PI4K2B: variants seen among roughly 807,000 people sequenced by gnomAD.
The protein encoded by PI4K2B is phosphatidylinositol 4-kinase type 2-beta.
In PI4K2B, 46 loss-of-function variants were observed where a neutral mutation model predicts 56.6. The ratio of observed to expected loss-of-function variants is 0.81; its 90% CI spans 0.64 to 1.04. PI4K2B has a LOEUF of 1.04. PI4K2B is among the 50% of genes least tolerant of loss of function. The pLI is 0.00. For missense variants in PI4K2B, 556 were observed against 607.7 expected (o/e 0.91, Z 0.89); for synonymous variants, 211 against 223.8 (o/e 0.94, Z 0.51).
chr4:25,249,916 C>T (rs980637668), intron 1 of PI4K2B, among the ~76,000 whole-genome samples: 3 of 152,208 alleles, frequency 2.0e-5, no homozygotes, highest in African/African-American at 7.2e-5. Flanking sequence ...CCACTGCACT[C>T]CAGCCTGGGC....
chr4:25,277,093 G>A lies in PI4K2B; in HGVS notation c.1352G>A (p.Arg451His), dbSNP rs746222667. The A allele has an allele frequency of 6.2e-6, 10 of 1,613,640 alleles. No homozygotes were observed. The highest frequency in any genetic ancestry group is 1.6e-4 in the Middle Eastern group (1 of 6,082). The change falls in exon 10 of 10, where the codon CGC becomes CAC. Residue 451 changes from arginine to histidine, a missense_variant. By Grantham distance (29) the Arg-to-His change is conservative. Coordinates refer to ENST00000264864, the MANE Select transcript of PI4K2B (RefSeq NM_018323.4). ...CAGATACCTTGTGTGATTGTGGAAC[G>A]CAGTCAAGGTGGAAGTCAGGGTCGG... The part of the protein sequence containing the change: ...LVQIPCVIVE[R>H]SQGGSQGRIV...
At chr4:25,273,830 A>G (rs1717001233) in intron 9 of PI4K2B, among the ~76,000 whole-genome samples, 2 of 152,220 alleles carry the variant, frequency 1.3e-5, no homozygotes, top group Non-Finnish European at 2.9e-5. Context: ...CCAGGCTTTC[A>G]GCACAGTCGA....
At chr4:25,251,350 T>C (rs917237999) in intron 1 of PI4K2B, among the ~76,000 whole-genome samples, 8 of 152,164 alleles carry the variant, frequency 5.3e-5, no homozygotes, top group Non-Finnish European at 1.2e-4. Flanking sequence ...AATTGGCTCA[T>C]GTGCATTTCT....
chr4:25,276,269 T>C (rs557479860), intron 9 of PI4K2B: 1 of 249,326 alleles, frequency 4.0e-6, no homozygotes, highest in Non-Finnish European at 6.4e-6. Context: ...CTTATTTGCA[T>C]GCCCAAGTAG....
intron 9 of PI4K2B, among the ~76,000 whole-genome samples, chr4:25,273,719 C>T (rs1336090265): frequency 6.6e-6 from 1 of 152,234 alleles, no homozygotes; most frequent in Non-Finnish European, 1.5e-5. Flanking sequence ...TTCTCCCATT[C>T]CTCTTCCACG....
At chr4:25,243,354 A>G (rs576908857) in intron 1 of PI4K2B, among the ~76,000 whole-genome samples, 47 of 152,274 alleles carry the variant, frequency 3.1e-4, no homozygotes, top group South Asian at 1.2e-3. Context: ...TCATTGGACA[A>G]TCTTTTTTAA....
rs763091751 is a variant in PI4K2B, at chr4:25,269,138, T to C, written c.1213-6T>C. ...TTGGGAATTGTTTTTTTCCTTTCTA[T>C]AATAGACTGACAAAGGATTTGACAA... On this transcript the variant is annotated splice_polypyrimidine_tract_variant and splice_region_variant and intron_variant, in intron 8 of 9. Coordinates refer to ENST00000264864, the MANE Select transcript of PI4K2B (RefSeq NM_018323.4). 38 of 1,538,582 alleles carry C rather than the reference T, an allele frequency of 2.5e-5. No individual in the cohort carries two copies. The Admixed American group carries it at 5.9e-4, about 24-fold the overall frequency.
At chr4:25,246,846 T>C (rs897498169) in intron 1 of PI4K2B, among the ~76,000 whole-genome samples, 7 of 152,206 alleles carry the variant, frequency 4.6e-5, no homozygotes, top group African/African-American at 1.7e-4. Flanking sequence ...CCTCTGCAGC[T>C]GCTGGCGCGG....
intron 1 of PI4K2B, among the ~76,000 whole-genome samples, chr4:25,244,776 T>A (rs976015633): frequency 1.6e-4 from 25 of 152,318 alleles, no homozygotes; most frequent in African/African-American, 5.8e-4. Flanking sequence ...TTGCGCTCAC[T>A]GACGCAGCAG....
rs989078071 is a variant in PI4K2B at position 25,263,790 on chromosome 4, T to C, written c.1019T>C (p.Ile340Thr). 1 of 1,536,534 alleles carries C rather than the reference T, an allele frequency of 6.5e-7. No individual in the cohort carries two copies. Among genetic ancestry groups the C allele is most frequent in the Non-Finnish European group, 9.0e-7 (1 of 1,110,668 alleles). Residue 340 changes from isoleucine to threonine, a missense_variant, in exon 7 of 10, where the codon ATA becomes ACA. Coordinates refer to ENST00000264864, the MANE Select transcript of PI4K2B (RefSeq NM_018323.4). ...GATGATGAAGAATTCCTTATTAAAA[T>C]AGCTGCAATTGATAATGGTCTAGCA... The part of the protein sequence containing the change: ...WIDDEEFLIK[I>T]AAIDNGLAFP...
intron 1 of PI4K2B, among the ~76,000 whole-genome samples, chr4:25,243,785 G>A (rs313554): frequency 0.59 from 89,488 of 152,044 alleles, 28,577 homozygotes; most frequent in Non-Finnish European, 0.72. Flanking sequence ...ATAATTCATG[G>A]GCTTTTTTCT....
At chr4:25,252,710 T>C (rs1240421456) in intron 2 of PI4K2B, among the ~76,000 whole-genome samples, 1 of 152,192 alleles carries the variant, frequency 6.6e-6, no homozygotes, top group African/African-American at 2.4e-5. Context: ...CCACCTGGGC[T>C]CAGGCAATCC....
At chr4:25,247,964 A>G (rs1006495094) in intron 1 of PI4K2B, among the ~76,000 whole-genome samples, 4 of 152,206 alleles carry the variant, frequency 2.6e-5, no homozygotes, top group Admixed American at 2.6e-4. Context: ...CAGTCTCCCA[A>G]CATGCTGGGA....
chr4:25,269,756 C>G (rs1029310026), intron 9 of PI4K2B, among the ~76,000 whole-genome samples: 3 of 151,696 alleles, frequency 2.0e-5, no homozygotes, highest in African/African-American at 7.3e-5. Flanking sequence ...CTCTGTAGCC[C>G]AGGCTGGAGT....
Position 25,259,047 on chromosome 4 carries a change from T to TAAGATATAGA in PI4K2B, c.767_768insAAGATATAGA (p.Phe256LeufsTer9), listed in dbSNP as rs1716359174. Reference sequence around the variant, plus strand: ...TTCTTAAAATTATAGATTGGTTCCTTTCAGTTATTTGTTGAAGGTTACAAG... The same window carrying TAAGATATAGA: ...TTCTTAAAATTATAGATTGGTTCCTTAAGATATAGATCAGTTATTTGTTGAAGGTTACAAG... On this transcript the variant is annotated frameshift_variant, in exon 5 of 10. Transcript: ENST00000264864. LOFTEE classifies it high-confidence loss of function. The TAAGATATAGA allele has an allele frequency of 6.5e-7, 1 of 1,549,700 alleles. No homozygotes were observed. The highest frequency in any genetic ancestry group is 2.2e-5 in the East Asian group (1 of 44,468).
Position 25,255,155 on chromosome 4 carries a change from C to G in PI4K2B, c.514C>G (p.Pro172Ala). 6.2e-7 allele frequency: 1 copy of G among 1,614,078 alleles called. No individual in the cohort carries two copies. The highest frequency in any genetic ancestry group is 8.5e-7 in the Non-Finnish European group (1 of 1,179,944). Residue 172 changes from proline to alanine, a missense_variant, in exon 3 of 10, where the codon CCT (proline) becomes GCT (alanine). Physicochemically the swap from Pro to Ala is conservative, Grantham distance 27 (BLOSUM62 -1). Transcript: ENST00000264864. ...CAAATATGTCCATAAGGTCTGCTGC[C>G]CTTGCTGCTTTGGCCGAGGCTGCCT... The part of the protein sequence containing the change: ...WTKYVHKVCC[P>A]CCFGRGCLIP...
chr4:25,260,616 A>T (rs746900949), intron 6 of PI4K2B, 25 bp downstream of exon 6: 1 of 246,950 alleles, frequency 4.0e-6, no homozygotes, highest in Non-Finnish European at 7.1e-6. Flanking sequence ...AATTTTATAT[A>T]TATATATATA....
At chr4:25,252,835 G>C (rs1716115932) in intron 2 of PI4K2B, among the ~76,000 whole-genome samples, 3 of 152,046 alleles carry the variant, frequency 2.0e-5, no homozygotes, top group Non-Finnish European at 4.4e-5. Context: ...GGCTGGTCTT[G>C]AACTCCTGGG....
intron 1 of PI4K2B, among the ~76,000 whole-genome samples, chr4:25,251,501 AG>A (rs1219100771): frequency 6.6e-6 from 1 of 152,122 alleles, no homozygotes; most frequent in African/African-American, 2.4e-5. Flanking sequence ...AAGCTGGCCA[AG>A]GAGGAGGGAA....
Sources: gnomAD v4.1 joint callset for allele counts (sites outside exome capture counted in the v4.1 genomes callset) on GRCh38, gnomAD v4.1.1 for gene constraint, MANE v1.5 for transcripts, NCBI Gene and HGNC (gene_info 2026-07-23, HGNC 2026-07-21) for gene names.